The following ZNF445 variants were observed in gnomAD, a reference collection of about 807,000 sequenced individuals.
The protein encoded by ZNF445 is zinc finger protein 168.
Under a neutral mutation model 93.9 loss-of-function variants are expected in ZNF445, and 19 were observed. The ratio of observed to expected loss-of-function variants is 0.20; its 90% CI spans 0.14 to 0.30. The LOEUF is 0.30. Among genes scored for constraint, ZNF445 ranks in the 10% least tolerant of loss-of-function variants. The pLI, the probability that ZNF445 is intolerant of heterozygous loss-of-function variation, is 1.00. For synonymous variants in ZNF445, 449 were observed against 446.3 expected (o/e 1.01, Z -0.08); for missense variants, 1,058 against 1,259.4 (o/e 0.84, Z 2.42).
intron 1 of ZNF445, among the ~76,000 whole-genome samples, chr3:44,474,100 G>A (rs899109401): frequency 6.6e-6 from 1 of 152,234 alleles, no homozygotes; most frequent in Non-Finnish European, 1.5e-5. Flanking sequence ...CATCTCATAT[G>A]CAAAGTAGTA....
rs904768987 is a variant in ZNF445, at chr3:44,436,261, G to C, written c.*10314C>G. ...CTCAGGACACTATGATCAGCAGGCA[G>C]ACATCACAGATCTCTGTGGGTCAGA... On this transcript the variant is annotated 3_prime_UTR_variant, in exon 8 of 8. Coordinates refer to ENST00000396077, the MANE Select transcript of ZNF445 (RefSeq NM_181489.6). 5 of 152,234 alleles carry C rather than the reference G, an allele frequency of 3.3e-5. No homozygotes were observed. Among genetic ancestry groups the C allele is most frequent in the Non-Finnish European group, 7.3e-5 (5 of 68,052 alleles). 9.4% of individuals were successfully genotyped at this position (152,234 alleles called of 1,614,324 possible). A position where few individuals can be genotyped will look rare whatever the true frequency, so the allele number is the denominator to read the frequency against.
Position 44,448,129 on chromosome 3 carries a change from T to C in ZNF445, c.1542A>G (p.Lys514=). ...QRLHTQEKAF[K]CRVCGKAFRW... ...GGAAGGCTTTCCCACACACCCTACA[T>C]TTAAATGCTTTCTCTTGAGTGTGAA... Residue 514 remains lysine (K), a synonymous_variant, in exon 8 of 8, where the codon AAA becomes AAG. Transcript: ENST00000396077. The C allele has an allele frequency of 1.2e-6, 2 of 1,614,116 alleles. No individual in the cohort carries two copies. The highest frequency in any genetic ancestry group is 8.5e-7 in the Non-Finnish European group (1 of 1,180,022).
chr3:44,456,523 C>T (rs1324243082), intron 2 of ZNF445, among the ~76,000 whole-genome samples: 1 of 152,122 alleles, frequency 6.6e-6, no homozygotes, highest in Non-Finnish European at 1.5e-5. Context: ...GATTTCAAGA[C>T]TTATAGCTAT....
Position 44,434,206 on chromosome 3 carries a change from A to T in ZNF445, c.*12369T>A, listed in dbSNP as rs1217307078. The T allele has an allele frequency of 1.3e-5, 2 of 151,042 alleles. No homozygotes were observed. The highest frequency in any genetic ancestry group is 3.9e-4 in the East Asian group (2 of 5,140). 9.4% of individuals were successfully genotyped at this position (151,042 alleles called of 1,614,324 possible). A position where few individuals can be genotyped will look rare whatever the true frequency, so the allele number is the denominator to read the frequency against. On this transcript the variant is annotated 3_prime_UTR_variant, in exon 8 of 8. Transcript: ENST00000396077. ...GGTGGGCAGATCACTTGAGGTCAAG[A>T]GTTCAAGACCAAGCTGGCTAACATG...
chr3:44,469,023 T>C (rs912515599), intron 1 of ZNF445, among the ~76,000 whole-genome samples: 11 of 144,250 alleles, frequency 7.6e-5, no homozygotes, highest in East Asian at 4.0e-4. Context: ...TTTGGGAGGA[T>C]AGTGAGAGTC....
rs538274021 is a variant in ZNF445 at position 44,455,789 on chromosome 3, G to A, written c.-147-93C>T. ...TCATCTTTGTATATATAAGAAGAGC[G>A]TTTGCACAAAGGTATATGCCAGTAT... On this transcript the variant is annotated intron_variant, in intron 2 of 7. Transcript: ENST00000396077. 26 of 473,068 alleles carry A rather than the reference G, an allele frequency of 5.5e-5. No homozygotes were observed. The South Asian group carries it at 5.6e-4, about 10-fold the overall frequency. 29.3% of individuals were successfully genotyped at this position (473,068 alleles called of 1,614,324 possible). A position where few individuals can be genotyped will look rare whatever the true frequency, so the allele number is the denominator to read the frequency against.
At chr3:44,454,188 T>C (rs963298149) in intron 3 of ZNF445, among the ~76,000 whole-genome samples, 1 of 145,320 alleles carries the variant, frequency 6.9e-6, no homozygotes, top group Non-Finnish European at 1.5e-5. Context: ...TGGTGGGGTA[T>C]GCCTCAAAAA....
chr3:44,453,390 G>A lies in ZNF445; in HGVS notation c.429+1731C>T, dbSNP rs989176818. Among the ~76,000 whole-genome samples, 5 of 151,668 alleles carry A rather than the reference G, an allele frequency of 3.3e-5. No homozygotes were observed. The South Asian group carries it at 8.3e-4, about 25-fold the overall frequency. The stretch of plus-strand genomic sequence containing the variant: ...GCTCACTGCAGCCTCCACCTTCCAG[G>A]TTCAAGCAATTCTCCTGCCTCAGCC... On this transcript the variant is annotated intron_variant, in intron 3 of 7. Transcript: ENST00000396077.
At position 44,448,591 on chromosome 3, in the gene ZNF445, C is replaced by T; in HGVS notation, c.1080G>A (p.Arg360=). The part of the protein sequence containing the change: ...GLRESFQQKS[R]QKDQCENPIQ... ...TGGGATTTTCACATTGATCCTTCTG[C>T]CTGCTCTTCTGTTGAAAAGATTCTC... Residue 360 remains arginine (R), a synonymous_variant, in exon 8 of 8, where the codon AGG becomes AGA. Transcript: ENST00000396077. The T allele has an allele frequency of 6.2e-7, 1 of 1,614,118 alleles. No homozygotes were observed. The highest frequency in any genetic ancestry group is 1.1e-5 in the South Asian group (1 of 91,088).
In ZNF445 at chr3:44,448,566, TG is replaced by T. The variant is rs1264818555; in HGVS notation, c.1104del (p.Ile369TyrfsTer3). 1 of 1,614,040 alleles carries T rather than the reference TG, an allele frequency of 6.2e-7. No individual in the cohort carries two copies. Among genetic ancestry groups the T allele is most frequent in the Non-Finnish European group, 8.5e-7 (1 of 1,180,058 alleles). On this transcript the variant is annotated frameshift_variant, in exon 8 of 8. Transcript: ENST00000396077. LOFTEE classifies it high-confidence loss of function. ...TCTTCTTTCTTAACTCTTACTTGTATGGGATTTTCACATTGATCCTTCTGCC... is the reference window on the plus strand; with the variant it reads ...TCTTCTTTCTTAACTCTTACTTGTATGGATTTTCACATTGATCCTTCTGCC... ...KSRQKDQCEN[P>X]IQVRVKKEET...
intron 4 of ZNF445, 89 bp from the exon 5 acceptor site, chr3:44,451,051 C>T (rs916120587): frequency 1.1e-5 from 13 of 1,144,212 alleles, no homozygotes; most frequent in African/African-American, 1.6e-5. Context: ...GACTCCTGGA[C>T]CCATGAGCAG....
intron 1 of ZNF445, among the ~76,000 whole-genome samples, chr3:44,460,758 T>C (rs1209507521): frequency 6.6e-6 from 1 of 152,254 alleles, no homozygotes; most frequent in African/African-American, 2.4e-5. Context: ...CAGCCAGTTC[T>C]GTGTGAATTA....
intron 1 of ZNF445, among the ~76,000 whole-genome samples, chr3:44,474,280 T>A (rs6778938): frequency 3.3e-5 from 5 of 151,942 alleles, no homozygotes; most frequent in Non-Finnish European, 7.4e-5. Context: ...TCTGGGAGGC[T>A]GAGGTGGGCA....
intron 4 of ZNF445, among the ~76,000 whole-genome samples, 170 bp from the exon 5 acceptor site, chr3:44,451,132 T>TG (rs903278942): frequency 7.9e-5 from 12 of 151,380 alleles, no homozygotes; most frequent in Admixed American, 3.3e-4. Context: ...GGTAGTGGGA[T>TG]GGGGGGTGTA....
intron 1 of ZNF445, among the ~76,000 whole-genome samples, chr3:44,463,038 TGTGTGTGTG>T (rs1698141151): frequency 6.6e-6 from 1 of 150,828 alleles, no homozygotes; most frequent in Admixed American, 6.6e-5. Flanking sequence ...TGTGTGTGTG[TGTGTGTGTG>T]TGTGTATGAG....
chr3:44,466,774 T>C (rs1051232743), intron 1 of ZNF445, among the ~76,000 whole-genome samples: 1 of 152,228 alleles, frequency 6.6e-6, no homozygotes, highest in Non-Finnish European at 1.5e-5. Context: ...TTCAAATAGA[T>C]GAATGGTGTT....
intron 1 of ZNF445, among the ~76,000 whole-genome samples, chr3:44,475,564 T>G (rs1171258740): frequency 6.6e-6 from 1 of 152,222 alleles, no homozygotes; most frequent in Non-Finnish European, 1.5e-5. Flanking sequence ...CTGTCAATTT[T>G]TATCTACCAA....
In ZNF445 at chr3:44,448,120, C is replaced by T. The variant is rs772969607; in HGVS notation, c.1551G>A (p.Val517=). Residue 517 remains valine (V), a synonymous_variant, in exon 8 of 8, where the codon GTG becomes GTA. Coordinates refer to ENST00000396077, the MANE Select transcript of ZNF445 (RefSeq NM_181489.6). ...AACTCCACCGGAAGGCTTTCCCACA[C>T]ACCCTACATTTAAATGCTTTCTCTT... ...HTQEKAFKCR[V]CGKAFRWSSN... is the part of the protein sequence containing the mutation. The T allele has an allele frequency of 1.2e-5, 19 of 1,613,982 alleles. No individual in the cohort carries two copies. In the South Asian group the frequency reaches 1.5e-4, roughly 13 times the overall value.
intron 5 of ZNF445, 107 bp from the exon 6 acceptor site, chr3:44,450,680 C>A: frequency 2.0e-6 from 3 of 1,474,064 alleles, no homozygotes; most frequent in Non-Finnish European, 1.8e-6. Context: ...ATGGACCTGG[C>A]AAAGGTGAAA....
Sources: gnomAD v4.1 joint callset for allele counts (sites outside exome capture counted in the v4.1 genomes callset) on GRCh38, gnomAD v4.1.1 for gene constraint, MANE v1.5 for transcripts, NCBI Gene and HGNC (gene_info 2026-07-23, HGNC 2026-07-21) for gene names.